Variants in TMEM117 observed in about 807,000 individuals in gnomAD.
TMEM117 encodes transmembrane protein 117.
Under a neutral mutation model 52.4 loss-of-function variants are expected in TMEM117, and 27 were observed. The ratio of observed to expected loss-of-function variants is 0.51; its 90% CI spans 0.38 to 0.71. The LOEUF (loss-of-function observed/expected upper bound fraction) is 0.71. TMEM117 is among the 30% of genes least tolerant of loss of function. The pLI, the probability that TMEM117 is intolerant of heterozygous loss-of-function variation, is 0.00. For missense variants in TMEM117, 556 were observed against 630.5 expected (o/e 0.88, Z 1.26); for synonymous variants, 215 against 206.3 (o/e 1.04, Z -0.36).
intron 6 of TMEM117, among the ~76,000 whole-genome samples, chr12:44,356,332 T>C (rs1034799013): frequency 6.6e-6 from 1 of 152,126 alleles, no homozygotes; most frequent in African/African-American, 2.4e-5. Flanking sequence ...GCTCTTTTCA[T>C]CCATTTTGTT....
chr12:44,171,286 A>T (rs549444205), intron 4 of TMEM117, among the ~76,000 whole-genome samples: 18 of 152,302 alleles, frequency 1.2e-4, no homozygotes, highest in African/African-American at 2.4e-4. Flanking sequence ...AAGTGCTGGG[A>T]TTACAGGCGT....
At chr12:44,185,025 C>T (rs1034444267) in intron 4 of TMEM117, among the ~76,000 whole-genome samples, 1 of 152,172 alleles carries the variant, frequency 6.6e-6, no homozygotes, top group South Asian at 2.1e-4. Context: ...TCACCTCTTT[C>T]AGGAAGCTTC....
intron 3 of TMEM117, among the ~76,000 whole-genome samples, chr12:43,965,302 C>T (rs1945466585): frequency 6.6e-6 from 1 of 152,218 alleles, no homozygotes; most frequent in African/African-American, 2.4e-5. Context: ...AGCAGAGCCC[C>T]ACACATCACA....
chr12:43,820,304 C>T, the TMEM117 span, among the ~76,000 whole-genome samples: 1 of 151,794 alleles, frequency 6.6e-6, no homozygotes, highest in East Asian at 1.9e-4. Flanking sequence ...GATGGAGTCT[C>T]GCTCTGTCGC....
intron 5 of TMEM117, among the ~76,000 whole-genome samples, chr12:44,265,335 T>C (rs1950365134): frequency 7.5e-6 from 1 of 132,622 alleles, no homozygotes; most frequent in Non-Finnish European, 1.7e-5. Flanking sequence ...GGTAGGGTAT[T>C]CGGATTTCAT....
At chr12:43,965,433 C>A (rs1945468480) in intron 3 of TMEM117, among the ~76,000 whole-genome samples, 1 of 152,124 alleles carries the variant, frequency 6.6e-6, no homozygotes, top group Non-Finnish European at 1.5e-5. Context: ...GTAACCTGTG[C>A]AAATTGGCTT....
In TMEM117 at chr12:44,237,603, G is replaced by A. The variant is rs538874067; in HGVS notation, c.608+26216G>A. On this transcript the variant is annotated intron_variant, in intron 5 of 7. Transcript: ENST00000266534. ...ATGGTGGCATGCACCTGTAATCCCC[G>A]CTACTTGGGAGGCTGAGTCAGGAGA... 4.6e-5 allele frequency among the ~76,000 whole-genome samples: 7 copies of A among 151,952 alleles called. No individual in the cohort carries two copies. In the East Asian group the frequency reaches 7.8e-4, roughly 17 times the overall value.
intron 2 of TMEM117, among the ~76,000 whole-genome samples, chr12:43,868,422 C>T (rs766782090): frequency 7.3e-5 from 11 of 151,670 alleles, no homozygotes; most frequent in South Asian, 2.1e-4. Context: ...CATGGTGGCC[C>T]GTGCCTGTAG....
At chr12:43,982,536 C>T (rs1002271534) in intron 3 of TMEM117, among the ~76,000 whole-genome samples, 1 of 152,112 alleles carries the variant, frequency 6.6e-6, no homozygotes, top group Non-Finnish European at 1.5e-5. Context: ...ACCTTTTCTA[C>T]ATTATGTAAT....
intron 4 of TMEM117, among the ~76,000 whole-genome samples, chr12:44,201,059 A>G (rs763939726): frequency 6.6e-6 from 1 of 152,206 alleles, no homozygotes; most frequent in Non-Finnish European, 1.5e-5. Context: ...GAGGAAAATG[A>G]TGACCAAACA....
At chr12:43,840,515 G>A (rs879394142) in intron 1 of TMEM117, among the ~76,000 whole-genome samples, 1 of 152,170 alleles carries the variant, frequency 6.6e-6, no homozygotes, top group Non-Finnish European at 1.5e-5. Flanking sequence ...TCTTCGCTTT[G>A]TTTGCCTTAG....
intron 2 of TMEM117, among the ~76,000 whole-genome samples, chr12:43,853,782 T>C (rs1429825196): frequency 1.3e-5 from 2 of 152,170 alleles, no homozygotes. Flanking sequence ...TGTGAGAATT[T>C]AGGAGAGAGG....
chr12:44,217,757 A>G (rs1185734925), intron 5 of TMEM117, among the ~76,000 whole-genome samples: 3 of 152,212 alleles, frequency 2.0e-5, no homozygotes, highest in African/African-American at 7.2e-5. Flanking sequence ...CAATGTCTCT[A>G]TGTGTAAGCT....
At chr12:44,069,945 A>G (rs1947276725) in intron 3 of TMEM117, among the ~76,000 whole-genome samples, 1 of 152,192 alleles carries the variant, frequency 6.6e-6, no homozygotes, top group African/African-American at 2.4e-5. Flanking sequence ...GCTGGCGTGC[A>G]GTGGCACGGG....
At chr12:43,857,328 A>AT (rs368074487) in intron 2 of TMEM117, among the ~76,000 whole-genome samples, 5,597 of 81,132 alleles carry the variant, frequency 0.069, 259 homozygotes, top group East Asian at 0.14. Context: ...TTTTTTTTTT[A>AT]TTGTACTTGA....
At chr12:44,117,735 A>G (rs1375466655) in intron 3 of TMEM117, among the ~76,000 whole-genome samples, 1 of 151,840 alleles carries the variant, frequency 6.6e-6, no homozygotes, top group Non-Finnish European at 1.5e-5. Context: ...CCTGGAAACC[A>G]TCTGTGTTTT....
At chr12:44,372,932 T>C (rs931539798) in intron 6 of TMEM117, among the ~76,000 whole-genome samples, 19 of 152,334 alleles carry the variant, frequency 1.2e-4, no homozygotes, top group Admixed American at 1.2e-3. Flanking sequence ...CATTTTATAA[T>C]GTATGCATAT....
chr12:43,840,585 C>T (rs1943102117), intron 1 of TMEM117, among the ~76,000 whole-genome samples: 1 of 152,178 alleles, frequency 6.6e-6, no homozygotes, highest in Non-Finnish European at 1.5e-5. Context: ...GAGGGAGCTT[C>T]TCTTTGTGAG....
At chr12:43,869,088 A>C (rs545196940) in intron 2 of TMEM117, among the ~76,000 whole-genome samples, 1 of 152,316 alleles carries the variant, frequency 6.6e-6, no homozygotes, top group African/African-American at 2.4e-5. Context: ...AAAATCCACT[A>C]ACGAAATATA....
Sources: allele counts gnomAD v4.1 joint callset (sites outside exome capture counted in the v4.1 genomes callset), GRCh38; gene constraint gnomAD v4.1.1; transcripts MANE v1.5; gene names NCBI Gene and HGNC (gene_info 2026-07-23, HGNC 2026-07-21).